The following PGC variants were observed in gnomAD, a reference collection of about 807,000 sequenced individuals.
The protein encoded by PGC is gastricsin.
Under a neutral mutation model 45.9 loss-of-function variants are expected in PGC, and 31 were observed. That is an observed-to-expected ratio of 0.67 (90% CI 0.51 to 0.91). The LOEUF (loss-of-function observed/expected upper bound fraction) is 0.91. Among genes scored for constraint, PGC ranks in the 40% least tolerant of loss-of-function variants. PGC has a pLI of 0.00. For synonymous variants in PGC, 192 were observed against 201.8 expected, an observed-to-expected ratio of 0.95 and a Z score of 0.41; for missense variants, 477 against 493.2, an observed-to-expected ratio of 0.97 and a Z score of 0.31.
chr6:41,740,973 C>A, intron 5 of PGC: 1 of 1,520,506 alleles, frequency 6.6e-7, no homozygotes, highest in Non-Finnish European at 8.8e-7. Flanking sequence ...ATTCCCAGCG[C>A]CTCAGGCTCC....
chr6:41,738,577 G>A (rs957670306), intron 7 of PGC, among the ~76,000 whole-genome samples: 1 of 151,884 alleles, frequency 6.6e-6, no homozygotes, highest in African/African-American at 2.4e-5. Context: ...GCAGTGAGCT[G>A]AGATTGTGTC....
chr6:41,736,746 A>G lies in PGC; in HGVS notation c.*106T>C, dbSNP rs1771687366. On this transcript the variant is annotated 3_prime_UTR_variant, in exon 9 of 9. Transcript: ENST00000373025. ...CTATTTATTATTAGAGAAAGTCCAGAGTCCAGAAAAAGAAGGCTGAATCCA... is the reference window on the plus strand; with the variant it reads ...CTATTTATTATTAGAGAAAGTCCAGGGTCCAGAAAAAGAAGGCTGAATCCA... 4.4e-6 allele frequency: 5 copies of G among 1,147,552 alleles called. No individual in the cohort carries two copies. Among genetic ancestry groups the G allele is most frequent in the Non-Finnish European group, 6.6e-6 (5 of 756,664 alleles). 71.1% of individuals were successfully genotyped at this position (1,147,552 alleles called of 1,614,324 possible).
rs370143553 is a variant in PGC at position 41,739,262 on chromosome 6, A to G, written c.915+537T>C. Among the ~76,000 whole-genome samples, 50 of 152,312 alleles carry G rather than the reference A, an allele frequency of 3.3e-4. 1 individual carries two copies. Among genetic ancestry groups the G allele is most frequent in the African/African-American group, 1.2e-3 (48 of 41,562 alleles). ...GCTGAGTGACTGCAGCTCAGAAGAA[A>G]TTCCTGCCTAATAGTAACCTCCTTC... is the stretch of plus-strand genomic sequence containing the variant. On this transcript the variant is annotated intron_variant, in intron 7 of 8. Transcript: ENST00000373025.
In PGC at chr6:41,740,565, A is replaced by C. The variant is rs1199604022; in HGVS notation, c.693T>G (p.Asp231Glu). ...SGGAVVFGGVDSSLYTGQIYW... is the reference protein window; with the variant it reads ...SGGAVVFGGVESSLYTGQIYW... ...AGATCTGCCCCGTGTACAGGCTGCT[A>C]TCCACACCCCCAAAGACAACCGCTC... Residue 231 changes from aspartate (D) to glutamate (E), a missense_variant, in exon 6 of 9, where the codon GAT (aspartate) becomes GAG (glutamate). Transcript: ENST00000373025. 1 of 1,608,462 alleles carries C rather than the reference A, an allele frequency of 6.2e-7. No homozygotes were observed. Among genetic ancestry groups the C allele is most frequent in the South Asian group, 1.1e-5 (1 of 90,212 alleles).
chr6:41,740,797 C>G, intron 5 of PGC, 187 bp from the exon 6 acceptor site: 1 of 1,425,772 alleles, frequency 7.0e-7, no homozygotes, highest in African/African-American at 1.4e-5. Flanking sequence ...TAGATTGGAG[C>G]TCCCTGAGGA....
chr6:41,742,241 G>T, intron 5 of PGC, 49 bp downstream of exon 5: 1 of 1,541,842 alleles, frequency 6.5e-7, no homozygotes, highest in Non-Finnish European at 8.9e-7. Flanking sequence ...CGTCCAGGGC[G>T]GCCGGGGGAG....
At chr6:41,745,115 A>G (rs1331818625) in intron 1 of PGC, among the ~76,000 whole-genome samples, 1 of 151,586 alleles carries the variant, frequency 6.6e-6, no homozygotes, top group South Asian at 2.1e-4. Context: ...TCATTTCACC[A>G]TGCATGCACT....
rs10616955 is a variant in PGC, at chr6:41,745,014, T to TGC, written c.60-208_60-207dup. Among the ~76,000 whole-genome samples the TGC allele has an allele frequency of 2.0e-3, 196 of 99,888 alleles. 1 individual carries two copies. Among genetic ancestry groups the TGC allele is most frequent in the Admixed American group, 3.3e-3 (34 of 10,198 alleles). The allele number at this position is 99,888 out of a possible 152,430, so 65.5% of individuals were successfully genotyped here. On this transcript the variant is annotated intron_variant, in intron 1 of 8. Transcript: ENST00000373025. Reference sequence around the variant, plus strand: ...GTCTCTCTGTGTGTGTGTGTGTGTGTGCGCGCGCGCGTGTTTCTTCCTCCC... The same window carrying TGC: ...GTCTCTCTGTGTGTGTGTGTGTGTGTGCGCGCGCGCGCGTGTTTCTTCCTCCC...
At position 41,739,945 on chromosome 6, in the gene PGC, A is replaced by G. The variant is rs764307365; in HGVS notation, c.769T>C (p.Phe257Leu). ...ELYWQIGIEE[F>L]LIGGQASGWC... Reference sequence around the variant, plus strand: ...CCGGAGGCCTGGCCGCCGATGAGGAACCTGTATGGGGAGAAGACAGGCAGC... The same window carrying G: ...CCGGAGGCCTGGCCGCCGATGAGGAGCCTGTATGGGGAGAAGACAGGCAGC... The change falls in exon 7 of 9, where the codon TTC becomes CTC. Residue 257 changes from phenylalanine (F) to leucine (L), a missense_variant and splice_region_variant. Physicochemically the swap from Phe to Leu is conservative, Grantham distance 22 (BLOSUM62 0). Coordinates refer to ENST00000373025, the MANE Select transcript of PGC (RefSeq NM_002630.4). The G allele has an allele frequency of 3.7e-6, 6 of 1,613,618 alleles. No individual in the cohort carries two copies. The African/African-American group carries it at 6.7e-5, about 18-fold the overall frequency.
At chr6:41,737,878 C>T in intron 7 of PGC, 50 bp from the exon 8 acceptor site, 2 of 1,056,450 alleles carry the variant, frequency 1.9e-6, no homozygotes, top group Non-Finnish European at 2.9e-6. Context: ...CTGATAGCAC[C>T]CACCAGCCCC....
In PGC at chr6:41,747,352, G is replaced by T. The variant is rs1479020205; in HGVS notation, c.-18C>A. 1 of 1,611,824 alleles carries T rather than the reference G, an allele frequency of 6.2e-7. No homozygotes were observed. The highest frequency in any genetic ancestry group is 8.5e-7 in the Non-Finnish European group (1 of 1,177,974). On this transcript the variant is annotated 5_prime_UTR_variant, in exon 1 of 9. Transcript: ENST00000373025. ...CACTTCATGATGCTGGTCCCCAACT[G>T]GCCACAGAGGAAGAGCAGCTCTGAG...
chr6:41,746,762 G>A (rs150936347), intron 1 of PGC, among the ~76,000 whole-genome samples: 265 of 152,306 alleles, frequency 1.7e-3, no homozygotes, highest in East Asian at 9.3e-3. Flanking sequence ...CAGGCTGGGC[G>A]CCTTCCTGAT....
intron 8 of PGC, 27 bp downstream of exon 8, chr6:41,737,703 G>T (rs1388280825): frequency 7.3e-7 from 1 of 1,378,164 alleles, no homozygotes; most frequent in Admixed American, 1.7e-5. Context: ...AATCATGGTG[G>T]CTCAGCCTGC....
rs768314678 is a variant in PGC at position 41,743,359 on chromosome 6, G to A, written c.359C>T (p.Ser120Leu). The change falls in exon 4 of 9, where the codon TCG (serine) becomes TTG (leucine). Residue 120 changes from serine (S) to leucine (L), a missense_variant. By Grantham distance (145) the Ser-to-Leu change is moderately radical. Coordinates refer to ENST00000373025, the MANE Select transcript of PGC (RefSeq NM_002630.4). Reference sequence around the variant, plus strand: ...CTGCCCATTGGTGGAGTAGGTGGACGACTCGCTGGGGTTGAAGCGGGAGTG... The same window carrying A: ...CTGCCCATTGGTGGAGTAGGTGGACAACTCGCTGGGGTTGAAGCGGGAGTG... ...TSHSRFNPSESSTYSTNGQTF... is the reference protein window; with the variant it reads ...TSHSRFNPSELSTYSTNGQTF... The A allele has an allele frequency of 3.8e-5, 62 of 1,613,714 alleles. No individual in the cohort carries two copies. The Admixed American group carries it at 4.3e-4, about 11-fold the overall frequency.
rs1376558973 is a variant in PGC at position 41,742,347 on chromosome 6, T to A, written c.590A>T (p.Gln197Leu). 1 of 1,614,040 alleles carries A rather than the reference T, an allele frequency of 6.2e-7. No homozygotes were observed. The highest frequency in any genetic ancestry group is 8.5e-7 in the Non-Finnish European group (1 of 1,180,024). ...LSVDEATTAM[Q>L]GMVQEGALTS... ...GAGGGCGCCCTCCTGCACCATGCCC[T>A]GCATAGCTGTGGTGGCCTCATCCAC... Residue 197 changes from glutamine (Q) to leucine (L), a missense_variant, in exon 5 of 9, where the codon CAG becomes CTG. Physicochemically the swap from Gln to Leu is moderately radical, Grantham distance 113 (BLOSUM62 -2). Coordinates refer to ENST00000373025, the MANE Select transcript of PGC (RefSeq NM_002630.4).
chr6:41,744,894 C>T lies in PGC; in HGVS notation c.60-86G>A. On this transcript the variant is annotated intron_variant, in intron 1 of 8. Coordinates refer to ENST00000373025, the MANE Select transcript of PGC (RefSeq NM_002630.4). The surrounding 1 kb of genome is among the most constrained non-coding windows in gnomAD (Gnocchi z 4.4). ...TTTCTCTCTCTCCTTCTCTTAACTG[C>T]ATGCTTCAACCTCCCTGCCACTCTG... 1 of 1,217,254 alleles carries T rather than the reference C, an allele frequency of 8.2e-7. No individual in the cohort carries two copies. The highest frequency in any genetic ancestry group is 1.2e-6 in the Non-Finnish European group (1 of 865,084). 75.4% of individuals were successfully genotyped at this position (1,217,254 alleles called of 1,614,324 possible). A position where few individuals can be genotyped will look rare whatever the true frequency, so the allele number is the denominator to read the frequency against.
chr6:41,741,809 G>A (rs1296101533), intron 5 of PGC: 1 of 1,536,422 alleles, frequency 6.5e-7, no homozygotes, highest in Non-Finnish European at 8.7e-7. Context: ...CTAGGGGTCA[G>A]CAGTGGACCT....
intron 1 of PGC, among the ~76,000 whole-genome samples, chr6:41,746,445 G>A (rs148438168): frequency 1.8e-3 from 269 of 152,330 alleles, no homozygotes; most frequent in South Asian, 0.012. Context: ...ATAAATCACC[G>A]TTTCTGTCCC....
At chr6:41,740,815 G>A (rs1201240574) in intron 5 of PGC, 19 of 1,427,226 alleles carry the variant, frequency 1.3e-5, no homozygotes, top group Non-Finnish European at 1.7e-5. Flanking sequence ...GGATGGGGCT[G>A]TGTCCCTTAG....
Sources: allele counts gnomAD v4.1 joint callset (sites outside exome capture counted in the v4.1 genomes callset), GRCh38; gene constraint gnomAD v4.1.1; non-coding constraint Gnocchi (gnomAD v3.1); transcripts MANE v1.5; gene names NCBI Gene and HGNC (gene_info 2026-07-23, HGNC 2026-07-21).